Variants in ANKH observed in about 807,000 individuals in gnomAD.
ANKH encodes ANKH inorganic pyrophosphate transport regulator, also known as mineralization regulator ANKH.
A neutral mutation model predicts 49.0 loss-of-function variants in ANKH; 15 were observed. That is an observed-to-expected ratio of 0.31 (90% CI 0.20 to 0.47). The LOEUF is 0.47. Ranked by LOEUF, ANKH falls within the 20% of genes least tolerant of loss-of-function variation. The pLI is 1.00. For synonymous variants in ANKH, 273 were observed against 260.0 expected, an observed-to-expected ratio of 1.05 and a Z score of -0.48; for missense variants, 429 against 652.0, an observed-to-expected ratio of 0.66 and a Z score of 3.72.
rs1738222510 is a variant in ANKH, at chr5:14,737,448, G to A, written c.1011+4379C>T. On this transcript the variant is annotated intron_variant, in intron 8 of 11. Coordinates refer to ENST00000284268, the MANE Select transcript of ANKH (RefSeq NM_054027.6). The surrounding 1 kb of genome is among the most constrained non-coding windows in gnomAD (Gnocchi z 5.0). ...TGAGCTCACTGCTGCCTCAGCCTGT[G>A]GCTCCAGGAGTGTCTACCTAGAGAA... 6.6e-6 allele frequency among the ~76,000 whole-genome samples: 1 copy of A among 152,204 alleles called. No individual in the cohort carries two copies. The highest frequency in any genetic ancestry group is 2.4e-5 in the African/African-American group (1 of 41,460).
intron 1 of ANKH, chr5:14,788,006 T>C (rs986876510): frequency 1.3e-5 from 2 of 152,230 alleles, no homozygotes; most frequent in Admixed American, 1.3e-4. Flanking sequence ...ACCTAAATCA[T>C]GATTGGTTTA....
At chr5:14,751,782 C>A (rs879880042) in intron 4 of ANKH, among the ~76,000 whole-genome samples, 1 of 152,040 alleles carries the variant, frequency 6.6e-6, no homozygotes, top group African/African-American at 2.4e-5. Context: ...TCCATTTTAC[C>A]ATTGGTGCTT....
At chr5:14,837,209 G>T (rs946613506) in intron 1 of ANKH, among the ~76,000 whole-genome samples, 1 of 152,138 alleles carries the variant, frequency 6.6e-6, no homozygotes, top group Non-Finnish European at 1.5e-5. Context: ...ATAGGCATGG[G>T]CAAGGACTTC....
chr5:14,736,806 C>G (rs1738201337), intron 8 of ANKH, among the ~76,000 whole-genome samples: 1 of 152,186 alleles, frequency 6.6e-6, no homozygotes, highest in Non-Finnish European at 1.5e-5. Flanking sequence ...CTCTGCTTGC[C>G]AAGATCCATC....
At chr5:14,762,554 C>T (rs951318518) in intron 2 of ANKH, among the ~76,000 whole-genome samples, 1 of 152,312 alleles carries the variant, frequency 6.6e-6, no homozygotes, top group South Asian at 2.1e-4. Flanking sequence ...GCTTTTCCTC[C>T]CAGATTTTCT....
chr5:14,816,437 T>A (rs1209670494), intron 1 of ANKH, among the ~76,000 whole-genome samples: 1 of 152,162 alleles, frequency 6.6e-6, no homozygotes, highest in Non-Finnish European at 1.5e-5. Context: ...CAACCTGATG[T>A]AGCATCAGAG....
chr5:14,750,644 T>A (rs1419855698), intron 5 of ANKH, among the ~76,000 whole-genome samples: 1 of 152,220 alleles, frequency 6.6e-6, no homozygotes, highest in African/African-American at 2.4e-5. Context: ...AATAAGGGAC[T>A]GGGATTGGCC....
chr5:14,852,801 C>T (rs1163344556), intron 1 of ANKH, among the ~76,000 whole-genome samples: 1 of 152,132 alleles, frequency 6.6e-6, no homozygotes, highest in Non-Finnish European at 1.5e-5. Flanking sequence ...TTTTACCTTA[C>T]CATCCCGGCC....
intron 1 of ANKH, among the ~76,000 whole-genome samples, chr5:14,848,371 T>C (rs1406736179): frequency 6.6e-6 from 1 of 151,948 alleles, no homozygotes; most frequent in African/African-American, 2.4e-5. Flanking sequence ...GGGACAATGA[T>C]AGGGATATAA....
rs144102849 is a variant in ANKH at position 14,742,536 on chromosome 5, C to T, written c.916-614G>A. ...CATCCCTCTTTCTAAGGCCCATCAT[C>T]TTCACTGCTCATCTGTTCCCTAAAG... On this transcript the variant is annotated intron_variant, in intron 7 of 11. Transcript: ENST00000284268. 1.6e-3 allele frequency among the ~76,000 whole-genome samples: 241 copies of T among 152,328 alleles called. 1 individual carries two copies. Among genetic ancestry groups the T allele is most frequent in the African/African-American group, 5.6e-3 (234 of 41,570 alleles).
At chr5:14,850,023 G>A (rs558193218) in intron 1 of ANKH, among the ~76,000 whole-genome samples, 68 of 152,260 alleles carry the variant, frequency 4.5e-4, no homozygotes, top group Non-Finnish European at 8.7e-4. Flanking sequence ...CGTTCCTTCA[G>A]GCAAAATCGC....
chr5:14,736,979 T>C (rs377241783), intron 8 of ANKH, among the ~76,000 whole-genome samples: 3 of 152,332 alleles, frequency 2.0e-5, no homozygotes, highest in East Asian at 1.9e-4. Flanking sequence ...CTTGAGAAGA[T>C]AAACAGCAGA....
At chr5:14,719,630 T>C (rs1737600279) in intron 8 of ANKH, among the ~76,000 whole-genome samples, 1 of 152,214 alleles carries the variant, frequency 6.6e-6, no homozygotes, top group Non-Finnish European at 1.5e-5. Context: ...AGATGATAAT[T>C]GACAATTATT....
chr5:14,852,221 G>A (rs1475772700), intron 1 of ANKH, among the ~76,000 whole-genome samples: 1 of 152,216 alleles, frequency 6.6e-6, no homozygotes, highest in African/African-American at 2.4e-5. Flanking sequence ...GTTCAAGGCT[G>A]CAGTGAGCAG....
At chr5:14,773,925 C>T (rs777416407) in intron 1 of ANKH, among the ~76,000 whole-genome samples, 1 of 152,210 alleles carries the variant, frequency 6.6e-6, no homozygotes, top group African/African-American at 2.4e-5. Flanking sequence ...CTTAAAATCA[C>T]ATTTTACCTG....
intron 1 of ANKH, among the ~76,000 whole-genome samples, chr5:14,824,534 C>T (rs529353701): frequency 6.6e-6 from 1 of 152,192 alleles, no homozygotes; most frequent in Admixed American, 6.5e-5. Flanking sequence ...TCATAGAATG[C>T]GAATAGCTGT....
chr5:14,816,185 T>C (rs1175039097), intron 1 of ANKH, among the ~76,000 whole-genome samples: 2 of 152,232 alleles, frequency 1.3e-5, no homozygotes, highest in Non-Finnish European at 2.9e-5. Context: ...AATTTGTTGA[T>C]CTAAAGAGGT....
chr5:14,810,760 C>CTGT (rs1448645106), intron 1 of ANKH, among the ~76,000 whole-genome samples: 1 of 152,158 alleles, frequency 6.6e-6, no homozygotes, highest in Non-Finnish European at 1.5e-5. Context: ...GATGAACTTT[C>CTGT]TGTTTCTATG....
intron 1 of ANKH, among the ~76,000 whole-genome samples, chr5:14,837,782 C>G (rs1210860840): frequency 6.6e-6 from 1 of 152,124 alleles, no homozygotes; most frequent in Non-Finnish European, 1.5e-5. Context: ...GGGTACATAC[C>G]CAAAGGATTA....
Sources: allele counts gnomAD v4.1 joint callset (sites outside exome capture counted in the v4.1 genomes callset), GRCh38; gene constraint gnomAD v4.1.1; non-coding constraint Gnocchi (gnomAD v3.1); transcripts MANE v1.5; gene names NCBI Gene and HGNC (gene_info 2026-07-23, HGNC 2026-07-21).